Variants in RALGAPB observed in about 807,000 individuals in gnomAD.
The protein encoded by RALGAPB is Ral GTPase activating protein non-catalytic subunit beta.
A neutral mutation model predicts 161.1 loss-of-function variants in RALGAPB; 25 were observed. The ratio of observed to expected loss-of-function variants is 0.16; its 90% CI spans 0.11 to 0.22. The LOEUF is 0.22. Among genes scored for constraint, RALGAPB ranks in the 10% least tolerant of loss-of-function variants. RALGAPB has a pLI of 1.00. For synonymous variants in RALGAPB, 629 were observed against 626.1 expected (o/e 1.00, Z -0.07); for missense variants, 1,391 against 1,815.2 (o/e 0.77, Z 4.25).
intron 6 of RALGAPB, 79 bp downstream of exon 6, chr20:38,509,287 T>C: frequency 6.8e-7 from 1 of 1,473,014 alleles, no homozygotes; most frequent in Non-Finnish European, 9.4e-7. Flanking sequence ...AGTCTCTTGT[T>C]TGAATTCAGA....
chr20:38,508,104 T>C (rs1197380712), intron 5 of RALGAPB, among the ~76,000 whole-genome samples: 1 of 151,180 alleles, frequency 6.6e-6, no homozygotes, highest in African/African-American at 2.4e-5. Context: ...TTACATATTG[T>C]ATGATTATAT....
rs776081751 is a variant in RALGAPB, at chr20:38,521,550, A to C, written c.1471A>C (p.Thr491Pro). 6.2e-7 allele frequency: 1 copy of C among 1,614,204 alleles called. No homozygotes were observed. ...TCGACGGAAAGGGTCACAAATGTCC[A>C]CAGACACCATGGTTTCCAATCCTAT... ...EFRRKGSQMS[T>P]DTMVSNPMFD... The change falls in exon 10 of 30, where the codon ACA (threonine) becomes CCA (proline). Residue 491 changes from threonine to proline, a missense_variant. This residue lies in a region of RALGAPB where 946 missense variants were observed against 1,257.2 expected (regional missense o/e 0.75). Transcript: ENST00000262879.
In RALGAPB at chr20:38,575,930, G is replaced by A. The variant is rs1440905328; in HGVS notation, c.*963G>A. The stretch of plus-strand genomic sequence containing the variant: ...GATTCTAATATGGGGTTCAGGAATA[G>A]CCTCTCAACGCTACTAATTCAGATC... On this transcript the variant is annotated 3_prime_UTR_variant, in exon 30 of 30. Transcript: ENST00000262879. 1 of 152,516 alleles carries A rather than the reference G, an allele frequency of 6.6e-6. No individual in the cohort carries two copies. Among genetic ancestry groups the A allele is most frequent in the African/African-American group, 2.4e-5 (1 of 41,424 alleles). The allele number at this position is 152,516 out of a possible 1,614,324, so 9.4% of individuals were successfully genotyped here. A position where few individuals can be genotyped will look rare whatever the true frequency, so the allele number is the denominator to read the frequency against.
At chr20:38,566,729 A>G (rs544135985) in intron 25 of RALGAPB, among the ~76,000 whole-genome samples, 82 of 152,366 alleles carry the variant, frequency 5.4e-4, no homozygotes, top group African/African-American at 2.0e-3. Context: ...TCAGAGAGTA[A>G]TAATGGCATT....
intron 29 of RALGAPB, 33 bp downstream of exon 29, chr20:38,574,331 T>G (rs766277043): frequency 1.3e-6 from 2 of 1,550,444 alleles, no homozygotes; most frequent in Non-Finnish European, 1.7e-6. Flanking sequence ...AAGAGTTAAA[T>G]TTTCTTTTTC....
intron 5 of RALGAPB, among the ~76,000 whole-genome samples, chr20:38,507,207 TATA>T (rs766684926): frequency 9.2e-5 from 14 of 152,202 alleles, no homozygotes; most frequent in Non-Finnish European, 1.8e-4. Flanking sequence ...AATTATTCTA[TATA>T]ATATTATCTA....
intron 12 of RALGAPB, 100 bp downstream of exon 12, chr20:38,525,618 TTTCAA>T (rs1257311390): frequency 5.1e-6 from 5 of 987,816 alleles, no homozygotes; most frequent in Non-Finnish European, 7.7e-6. Context: ...TTTTTTTATT[TTTCAA>T]TTCAAGTTAT....
At chr20:38,505,184 C>T (rs762421420) in intron 5 of RALGAPB, among the ~76,000 whole-genome samples, 17 of 152,178 alleles carry the variant, frequency 1.1e-4, no homozygotes, top group Non-Finnish European at 1.8e-4. Context: ...CCTAGATGCC[C>T]GTCGGTGGTA....
Position 38,577,409 on chromosome 20 carries a change from A to G in RALGAPB, c.*2442A>G, listed in dbSNP as rs1279109014. 1.3e-5 allele frequency: 2 copies of G among 152,152 alleles called. No individual in the cohort carries two copies. The highest frequency in any genetic ancestry group is 3.8e-4 in the East Asian group (2 of 5,198). The allele number at this position is 152,152 out of a possible 1,614,324, so 9.4% of individuals were successfully genotyped here. On this transcript the variant is annotated 3_prime_UTR_variant, in exon 30 of 30. Transcript: ENST00000262879. ...TAGCCTCTGGGGGGAAACCAGGACC[A>G]CTTTTGTCTGTGGCTTAAACAGTTC...
Position 38,529,525 on chromosome 20 carries a change from A to T in RALGAPB, c.2051-1642A>T, listed in dbSNP as rs7346509. On this transcript the variant is annotated intron_variant, in intron 13 of 29. Transcript: ENST00000262879. ...AGAGCGAAACTCCGTCTCAAAAAAA[A>T]AAAATAAAATAAAAATAAAAATAAA... Among the ~76,000 whole-genome samples, 567 of 150,364 alleles carry T rather than the reference A, an allele frequency of 3.8e-3. 4 individuals carry two copies. The highest frequency in any genetic ancestry group is 0.01 in the African/African-American group (418 of 40,904).
intron 15 of RALGAPB, among the ~76,000 whole-genome samples, chr20:38,534,601 G>A (rs2086749170): frequency 6.6e-6 from 1 of 152,188 alleles, no homozygotes; most frequent in East Asian, 1.9e-4. Flanking sequence ...AAAAGGCATT[G>A]CATGTGAGTT....
At chr20:38,530,366 A>G (rs976805663) in intron 13 of RALGAPB, among the ~76,000 whole-genome samples, 1 of 152,140 alleles carries the variant, frequency 6.6e-6, no homozygotes, top group African/African-American at 2.4e-5. Context: ...AAATGGCATC[A>G]TGTATGGTCT....
In RALGAPB at chr20:38,493,112, A is replaced by G. The variant is rs775244067; in HGVS notation, c.369A>G (p.Leu123=). The change falls in exon 3 of 30, where the codon CTA becomes CTG. Residue 123 remains leucine (L), a synonymous_variant. Transcript: ENST00000262879. ...ATGTTCAAACTATACTAAAACACCT[A>G]CAGAATCTTTTTGTACCAAGGTAAG... ...NQYVQTILKH[L]QNLFVPRQEQ... 2 of 1,607,114 alleles carry G rather than the reference A, an allele frequency of 1.2e-6. No individual in the cohort carries two copies. The highest frequency in any genetic ancestry group is 1.7e-6 in the Non-Finnish European group (2 of 1,175,070).
intron 28 of RALGAPB, among the ~76,000 whole-genome samples, chr20:38,573,306 TTGA>T (rs2088308962): frequency 6.6e-6 from 1 of 151,856 alleles, no homozygotes; most frequent in African/African-American, 2.4e-5. Flanking sequence ...TACTCAAGGA[TTGA>T]TTTTTCTTTT....
intron 1 of RALGAPB, 86 bp downstream of exon 1, chr20:38,473,155 G>A (rs1222444284): frequency 9.2e-6 from 3 of 327,456 alleles, no homozygotes; most frequent in African/African-American, 2.2e-5. Flanking sequence ...GACGGCTGAG[G>A]CTTGTTTCTC....
chr20:38,533,316 T>TA (rs2086712238), intron 15 of RALGAPB, among the ~76,000 whole-genome samples: 1 of 152,212 alleles, frequency 6.6e-6, no homozygotes, highest in African/African-American at 2.4e-5. Context: ...TGTAGCTCAC[T>TA]AGATTCTTTA....
intron 6 of RALGAPB, among the ~76,000 whole-genome samples, chr20:38,509,808 A>G (rs187537961): frequency 3.9e-5 from 6 of 152,118 alleles, no homozygotes; most frequent in Admixed American, 3.9e-4. Flanking sequence ...TTCCTTGCAT[A>G]TCTTCTCTTT....
intron 5 of RALGAPB, 43 bp downstream of exon 5, chr20:38,499,676 C>G (rs6070377): frequency 1.3e-6 from 2 of 1,539,556 alleles, no homozygotes; most frequent in Non-Finnish European, 1.8e-6. Context: ...CCTGTCTGAC[C>G]TTAGGCAGCT....
intron 15 of RALGAPB, 25 bp from the exon 16 acceptor site, chr20:38,535,049 A>T (rs779823440): frequency 1.9e-6 from 3 of 1,610,796 alleles, no homozygotes; most frequent in Admixed American, 3.3e-5. Context: ...TCCCTGTGGG[A>T]TGTGGCATTG....
Sources: allele counts gnomAD v4.1 joint callset (sites outside exome capture counted in the v4.1 genomes callset), GRCh38; gene constraint gnomAD v4.1.1; regional missense constraint gnomAD v4.1.1; transcripts MANE v1.5; gene names NCBI Gene and HGNC (gene_info 2026-07-23, HGNC 2026-07-21).